The following CCDC88C variants were observed in gnomAD, a reference collection of about 807,000 sequenced individuals.
The protein encoded by CCDC88C is coiled-coil and HOOK domain protein 88C.
CCDC88C carries 131 observed loss-of-function variants against 198.8 expected under a neutral mutation model. That is an observed-to-expected ratio of 0.66 (90% CI 0.57 to 0.76). The LOEUF (loss-of-function observed/expected upper bound fraction) is 0.76, where lower values mean the gene tolerates loss of function less well. Among genes scored for constraint, CCDC88C ranks in the 30% least tolerant of loss-of-function variants. CCDC88C has a pLI of 0.00. For synonymous variants in CCDC88C, 1,166 were observed against 1,114.7 expected, an observed-to-expected ratio of 1.05 and a Z score of -0.92; for missense variants, 2,553 against 2,631.6, an observed-to-expected ratio of 0.97 and a Z score of 0.65.
chr14:91,291,261 C>T (rs945761013), intron 23 of CCDC88C, among the ~76,000 whole-genome samples, 177 bp from the exon 24 acceptor site: 9 of 152,284 alleles, frequency 5.9e-5, no homozygotes, highest in African/African-American at 1.7e-4. Context: ...TGGTGGCATG[C>T]GCCGTGGGTT....
chr14:91,358,054 C>T (rs952255289), intron 4 of CCDC88C, among the ~76,000 whole-genome samples: 2 of 152,234 alleles, frequency 1.3e-5, no homozygotes, highest in Admixed American at 1.3e-4. Flanking sequence ...GGATGCTCTT[C>T]CTTCTGGCTC....
chr14:91,330,838 G>A (rs1054829686), intron 10 of CCDC88C, among the ~76,000 whole-genome samples: 1 of 152,152 alleles, frequency 6.6e-6, no homozygotes, highest in Admixed American at 6.5e-5. Context: ...TAAGATCTGG[G>A]ACTCGAGGGT....
chr14:91,401,244 T>A (rs1264770696), intron 3 of CCDC88C, among the ~76,000 whole-genome samples: 1 of 145,756 alleles, frequency 6.9e-6, no homozygotes, highest in African/African-American at 2.5e-5. Flanking sequence ...ATTTATATAT[T>A]ATATATTATA....
At chr14:91,370,994 T>C (rs1329683241) in intron 3 of CCDC88C, among the ~76,000 whole-genome samples, 2 of 152,154 alleles carry the variant, frequency 1.3e-5, no homozygotes, top group African/African-American at 2.4e-5. Context: ...GTGCATGCCA[T>C]GCCCTGAGGT....
intron 4 of CCDC88C, among the ~76,000 whole-genome samples, chr14:91,350,185 G>C (rs1195995780): frequency 2.0e-5 from 3 of 149,414 alleles, no homozygotes; most frequent in Non-Finnish European, 3.0e-5. Flanking sequence ...TTTGGAGACA[G>C]AGTCTCACTC....
chr14:91,387,482 G>T (rs147056331), intron 3 of CCDC88C, among the ~76,000 whole-genome samples: 2,155 of 152,314 alleles, frequency 0.014, 39 homozygotes, highest in Non-Finnish European at 0.02. Context: ...TCCCAGGAAG[G>T]CAATGACAGT....
chr14:91,402,873 G>A (rs575319741), intron 3 of CCDC88C, among the ~76,000 whole-genome samples: 18 of 152,270 alleles, frequency 1.2e-4, no homozygotes, highest in African/African-American at 3.4e-4. Context: ...TAAGGCACCC[G>A]GGCTGTATTT....
intron 25 of CCDC88C, among the ~76,000 whole-genome samples, chr14:91,287,695 T>C (rs528044381): frequency 7.0e-6 from 1 of 142,034 alleles, no homozygotes; most frequent in Non-Finnish European, 1.5e-5. Context: ...TACTTGTGAA[T>C]GTGCCCCCTG....
chr14:91,307,286 G>A (rs1891600656), intron 17 of CCDC88C, 60 bp from the exon 18 acceptor site: 35 of 1,520,632 alleles, frequency 2.3e-5, no homozygotes, highest in African/African-American at 4.1e-5. Context: ...CTGGAGCCCC[G>A]AGTGAGTGGC....
intron 3 of CCDC88C, among the ~76,000 whole-genome samples, chr14:91,388,151 G>A (rs760802657): frequency 7.9e-5 from 12 of 152,186 alleles, no homozygotes; most frequent in Non-Finnish European, 1.5e-4. Context: ...AAACACAGAG[G>A]AGCAGTTACC....
At chr14:91,320,257 G>T (rs1892303391) in intron 13 of CCDC88C, among the ~76,000 whole-genome samples, 1 of 152,158 alleles carries the variant, frequency 6.6e-6, no homozygotes, top group African/African-American at 2.4e-5. Flanking sequence ...TACCTCCAGG[G>T]AGGAGACAGG....
chr14:91,305,833 G>GT lies in CCDC88C; in HGVS notation c.3288dup (p.Leu1097ThrfsTer119), dbSNP rs1189029807. ...TGCAGGAAGGCGCTCTGTTTCTGCA[G>GT]TGTCAAGATCTGGCTGCTGAAGGTC... On this transcript the variant is annotated frameshift_variant, in exon 19 of 30. Coordinates refer to ENST00000389857, the MANE Select transcript of CCDC88C (RefSeq NM_001080414.4). LOFTEE classifies it high-confidence loss of function. The GT allele has an allele frequency of 6.2e-7, 1 of 1,614,032 alleles. No homozygotes were observed.
intron 13 of CCDC88C, among the ~76,000 whole-genome samples, chr14:91,319,977 T>C (rs1219380383): frequency 1.4e-5 from 2 of 143,832 alleles, no homozygotes; most frequent in Admixed American, 1.4e-4. Flanking sequence ...TGAGCTGAGA[T>C]TGTGCCATTG....
chr14:91,349,344 T>G (rs942134590), intron 4 of CCDC88C, among the ~76,000 whole-genome samples: 1 of 152,152 alleles, frequency 6.6e-6, no homozygotes, highest in Non-Finnish European at 1.5e-5. Flanking sequence ...ACTTATCGGG[T>G]AGGCAAGTGT....
intron 22 of CCDC88C, among the ~76,000 whole-genome samples, chr14:91,295,989 G>C (rs966376916): frequency 6.6e-6 from 1 of 152,216 alleles, no homozygotes; most frequent in East Asian, 1.9e-4. Flanking sequence ...AAGCCAGGGA[G>C]AGGCCTTGGG....
In CCDC88C at chr14:91,289,281, G is replaced by A. The variant is rs202217944; in HGVS notation, c.4265C>T (p.Ser1422Leu). The A allele has an allele frequency of 4.7e-3, 7,522 of 1,614,026 alleles. 29 individuals carry two copies. The highest frequency in any genetic ancestry group is 5.5e-3 in the Non-Finnish European group (6,476 of 1,179,890). ...CACGGTGGATTTTAAGCGTTCCCTC[G>A]AACCCTCTTTCTTTGGTTTGATGAG... ...VKLIKPKKEGSRERLKSTVDS... is the reference protein window; with the variant it reads ...VKLIKPKKEGLRERLKSTVDS... The change falls in exon 25 of 30, where the codon TCG (serine) becomes TTG (leucine). Residue 1422 changes from serine to leucine, a missense_variant. This residue lies in a region of CCDC88C where 1,293 missense variants were observed against 1,219.6 expected (regional missense o/e 1.06). Coordinates refer to ENST00000389857, the MANE Select transcript of CCDC88C (RefSeq NM_001080414.4).
At chr14:91,378,175 A>G (rs1159752182) in intron 3 of CCDC88C, among the ~76,000 whole-genome samples, 1 of 152,216 alleles carries the variant, frequency 6.6e-6, no homozygotes, top group Non-Finnish European at 1.5e-5. Context: ...ACAGATAGGA[A>G]ACAGTAGTTG....
chr14:91,295,844 A>C (rs1431816818), intron 22 of CCDC88C, among the ~76,000 whole-genome samples: 1 of 152,136 alleles, frequency 6.6e-6, no homozygotes, highest in South Asian at 2.1e-4. Flanking sequence ...GTCCATAAAG[A>C]GGCCATTAAG....
intron 3 of CCDC88C, among the ~76,000 whole-genome samples, chr14:91,375,931 T>C (rs1248599496): frequency 6.6e-6 from 1 of 152,036 alleles, no homozygotes; most frequent in East Asian, 1.9e-4. Flanking sequence ...ATACAGACAG[T>C]AAGGATGTGC....
Sources: gnomAD v4.1 joint callset for allele counts (sites outside exome capture counted in the v4.1 genomes callset) on GRCh38, gnomAD v4.1.1 for gene constraint, gnomAD v4.1.1 regional missense constraint, MANE v1.5 for transcripts, NCBI Gene and HGNC (gene_info 2026-07-23, HGNC 2026-07-21) for gene names.